SLC9C1: variants seen among roughly 807,000 people sequenced by gnomAD.
SLC9C1 encodes sodium/hydrogen exchanger 10.
In SLC9C1, 97 loss-of-function variants were observed where a neutral mutation model predicts 140.9. That is an observed-to-expected ratio of 0.69 (90% CI 0.58 to 0.82). SLC9C1 has a LOEUF of 0.82. SLC9C1 is among the 40% of genes least tolerant of loss of function. The probability of loss-of-function intolerance (pLI) is 0.00; values close to 1 mark genes in which losing one functional copy is unlikely to be tolerated. For missense variants in SLC9C1, 1,340 were observed against 1,389.3 expected (o/e 0.96, Z 0.56); for synonymous variants, 440 against 442.6 (o/e 0.99, Z 0.07).
chr3:112,211,919 C>T (rs951877919), intron 15 of SLC9C1, among the ~76,000 whole-genome samples: 4 of 152,256 alleles, frequency 2.6e-5, no homozygotes, highest in Admixed American at 2.6e-4. Flanking sequence ...TCAAGTGGAT[C>T]TCTGACCCCC....
intron 23 of SLC9C1, among the ~76,000 whole-genome samples, chr3:112,170,015 G>A (rs1041927770): frequency 6.6e-6 from 1 of 151,922 alleles, no homozygotes; most frequent in Non-Finnish European, 1.5e-5. Context: ...AGAGTTAAAC[G>A]TTAGATCCTA....
At chr3:112,223,816 C>T (rs1388429212) in intron 13 of SLC9C1, among the ~76,000 whole-genome samples, 1 of 152,166 alleles carries the variant, frequency 6.6e-6, no homozygotes, top group Non-Finnish European at 1.5e-5. Context: ...GTGGTATTCA[C>T]TGAAGACATA....
intron 7 of SLC9C1, among the ~76,000 whole-genome samples, chr3:112,266,563 G>T (rs2079924302): frequency 6.6e-6 from 1 of 151,986 alleles, no homozygotes; most frequent in South Asian, 2.1e-4. Context: ...CCTACTATGG[G>T]CATCTTTGCA....
At chr3:112,148,943 G>A (rs1209174048) in intron 28 of SLC9C1, among the ~76,000 whole-genome samples, 1 of 151,982 alleles carries the variant, frequency 6.6e-6, no homozygotes, top group East Asian at 1.9e-4. Context: ...CAGGGATGGG[G>A]GCAGCCTAAG....
chr3:112,249,441 C>T (rs1228582889), intron 10 of SLC9C1, among the ~76,000 whole-genome samples: 1 of 151,884 alleles, frequency 6.6e-6, no homozygotes, highest in Non-Finnish European at 1.5e-5. Flanking sequence ...CTAGCTCTGC[C>T]AGGTTTTGCT....
At chr3:112,217,328 T>TA in intron 15 of SLC9C1, 114 bp downstream of exon 15, 2 of 1,252,190 alleles carry the variant, frequency 1.6e-6, no homozygotes, top group Non-Finnish European at 2.1e-6. Context: ...TGTGCACATG[T>TA]ACCCTAGCAC....
chr3:112,252,970 G>A (rs183680299), intron 10 of SLC9C1, among the ~76,000 whole-genome samples: 6 of 152,196 alleles, frequency 3.9e-5, no homozygotes, highest in South Asian at 4.1e-4. Context: ...CCATTTTTCT[G>A]TTTCACAGCC....
intron 10 of SLC9C1, among the ~76,000 whole-genome samples, chr3:112,255,449 A>G (rs2079578403): frequency 6.6e-6 from 1 of 152,174 alleles, no homozygotes; most frequent in African/African-American, 2.4e-5. Flanking sequence ...CCATCCAATT[A>G]CATGGAAATT....
intron 10 of SLC9C1, among the ~76,000 whole-genome samples, chr3:112,252,290 T>C (rs1225800603): frequency 2.0e-5 from 3 of 152,064 alleles, no homozygotes; most frequent in Admixed American, 6.6e-5. Context: ...GGGTCCGAGG[T>C]CCTAGTTCTC....
intron 23 of SLC9C1, among the ~76,000 whole-genome samples, chr3:112,177,398 A>G (rs1017853906): frequency 1.2e-4 from 18 of 151,866 alleles, no homozygotes; most frequent in African/African-American, 4.1e-4. Flanking sequence ...TCAACCAAGG[A>G]CTTGTAGAGA....
At chr3:112,251,758 G>A (rs977377386) in intron 10 of SLC9C1, among the ~76,000 whole-genome samples, 2 of 151,520 alleles carry the variant, frequency 1.3e-5, no homozygotes, top group Non-Finnish European at 2.9e-5. Context: ...CTGCCCTGTG[G>A]AAGAGTAGCC....
At chr3:112,255,782 A>G (rs2079589276) in intron 10 of SLC9C1, among the ~76,000 whole-genome samples, 1 of 152,152 alleles carries the variant, frequency 6.6e-6, no homozygotes, top group Non-Finnish European at 1.5e-5. Context: ...CAAAAGATCA[A>G]TGGATGCGGT....
At chr3:112,157,548 T>C (rs1362911877) in intron 26 of SLC9C1, among the ~76,000 whole-genome samples, 2 of 152,080 alleles carry the variant, frequency 1.3e-5, no homozygotes, top group Non-Finnish European at 2.9e-5. Context: ...TTTCTATGTC[T>C]GTGGAGAATG....
intron 17 of SLC9C1, 103 bp downstream of exon 17, chr3:112,204,115 C>A: frequency 2.5e-6 from 3 of 1,203,826 alleles, no homozygotes; most frequent in South Asian, 2.7e-5. Flanking sequence ...AAACATTAAC[C>A]CAACAGAATA....
chr3:112,257,873 G>T (rs2079653379), intron 10 of SLC9C1, among the ~76,000 whole-genome samples: 2 of 152,060 alleles, frequency 1.3e-5, no homozygotes. Flanking sequence ...CCCATTAAAA[G>T]TAGGTAAAGG....
chr3:112,204,713 C>T (rs2077998121), intron 16 of SLC9C1, among the ~76,000 whole-genome samples: 2 of 151,924 alleles, frequency 1.3e-5, no homozygotes. Flanking sequence ...TGTAGTACGC[C>T]AGGGTGTTTT....
chr3:112,234,095 C>T (rs2078912503), intron 12 of SLC9C1, among the ~76,000 whole-genome samples: 1 of 152,184 alleles, frequency 6.6e-6, no homozygotes, highest in African/African-American at 2.4e-5. Flanking sequence ...AGAGTCCCAC[C>T]AACAGTGTAA....
intron 26 of SLC9C1, among the ~76,000 whole-genome samples, chr3:112,165,650 C>T (rs1240740011): frequency 2.6e-5 from 4 of 152,156 alleles, no homozygotes; most frequent in Non-Finnish European, 5.9e-5. Context: ...CAGAGGAGTA[C>T]CTAGCCATTT....
chr3:112,213,779 G>A (rs2078276188), intron 15 of SLC9C1, among the ~76,000 whole-genome samples: 1 of 152,120 alleles, frequency 6.6e-6, no homozygotes, highest in Admixed American at 6.5e-5. Flanking sequence ...ACACCCCACT[G>A]TCAACATTGG....
Sources: gnomAD v4.1 joint callset for allele counts (sites outside exome capture counted in the v4.1 genomes callset) on GRCh38, gnomAD v4.1.1 for gene constraint, MANE v1.5 for transcripts, NCBI Gene and HGNC (gene_info 2026-07-23, HGNC 2026-07-21) for gene names.